Variants in RNF213 observed in about 807,000 individuals in gnomAD.
RNF213 encodes the protein E3 ubiquitin-protein ligase RNF213.
A neutral mutation model predicts 514.4 loss-of-function variants in RNF213; 341 were observed. The ratio of observed to expected loss-of-function variants is 0.66; its 90% CI spans 0.61 to 0.73. RNF213 has a LOEUF of 0.73. RNF213 is among the 30% of genes least tolerant of loss of function. The pLI, the probability that RNF213 is intolerant of heterozygous loss-of-function variation, is 0.00. For synonymous variants in RNF213, 2,655 were observed against 2,658.2 expected, an observed-to-expected ratio of 1.00 and a Z score of 0.04; for missense variants, 5,767 against 6,615.6, an observed-to-expected ratio of 0.87 and a Z score of 4.45.
At chr17:80,388,729 G>A in intron 64 of RNF213, 40 bp downstream of exon 64, 2 of 1,442,326 alleles carry the variant, frequency 1.4e-6, no homozygotes, top group Non-Finnish European at 2.0e-6. Context: ...GGGGCTTTCT[G>A]CCTTCTCAGT....
chr17:80,391,760 CTTTTTTTT>C (rs779136667), intron 67 of RNF213, among the ~76,000 whole-genome samples: 1,129 of 88,372 alleles, frequency 0.013, 4 homozygotes, highest in Middle Eastern at 0.032. Flanking sequence ...ATAAACTAGC[CTTTTTTTT>C]TTTTTTTTTT....
At chr17:80,307,293 G>C in intron 13 of RNF213, 92 bp downstream of exon 13, 1 of 961,450 alleles carries the variant, frequency 1.0e-6, no homozygotes, top group Non-Finnish European at 1.7e-6. Context: ...CACATGTGCT[G>C]TTGTAACAGC....
At chr17:80,390,255 G>C in intron 67 of RNF213, 59 bp downstream of exon 67, 1 of 1,540,896 alleles carries the variant, frequency 6.5e-7, no homozygotes, top group Non-Finnish European at 9.0e-7. Context: ...TCTCTCCTGT[G>C]ATCTTCTATA....
At position 80,354,447 on chromosome 17, in the gene RNF213, T is replaced by C; in HGVS notation, c.10733T>C (p.Phe3578Ser). 1 of 1,614,218 alleles carries C rather than the reference T, an allele frequency of 6.2e-7. No homozygotes were observed. The highest frequency in any genetic ancestry group is 8.5e-7 in the Non-Finnish European group (1 of 1,180,044). Residue 3578 changes from phenylalanine to serine, a missense_variant, in exon 36 of 68, where the codon TTC (phenylalanine) becomes TCC (serine). By Grantham distance (155) the Phe-to-Ser change is radical (BLOSUM62 -2). Transcript: ENST00000582970. Reference protein sequence around the residue: ...LNEDDACHASFLRVSKMRLSV... With the variant: ...LNEDDACHASSLRVSKMRLSV... ...TGTTTCTGCCTTTGTACAGCCTCTT[T>C]CTTGCGGGTATCCAAGATGCGCCTC...
intron 67 of RNF213, among the ~76,000 whole-genome samples, chr17:80,393,037 G>A (rs1275598203): frequency 1.3e-5 from 2 of 152,052 alleles, no homozygotes; most frequent in African/African-American, 4.8e-5. Flanking sequence ...GAGTGCAGTT[G>A]TGCAATCTCA....
chr17:80,372,416 T>G (rs1486448660), intron 47 of RNF213, 105 bp from the exon 48 acceptor site: 7 of 810,068 alleles, frequency 8.6e-6, no homozygotes, highest in Non-Finnish European at 1.2e-5. Context: ...ACAGTAACAT[T>G]CTTCTATCCT....
chr17:80,356,689 C>G (rs1258364818), intron 36 of RNF213, among the ~76,000 whole-genome samples: 1 of 152,396 alleles, frequency 6.6e-6, no homozygotes, highest in African/African-American at 2.4e-5. Context: ...GCTCCCGCCT[C>G]TCCCAGCGCT....
chr17:80,280,274 G>A (rs990325149), intron 3 of RNF213, among the ~76,000 whole-genome samples: 3 of 152,174 alleles, frequency 2.0e-5, no homozygotes, highest in African/African-American at 7.2e-5. Flanking sequence ...TAGGCCATGC[G>A]AGGAGAAGAA....
Position 80,317,066 on chromosome 17 carries a change from C to G in RNF213, c.2812-122C>G. On this transcript the variant is annotated intron_variant, in intron 15 of 67. Transcript: ENST00000582970. The surrounding 1 kb of genome is among the most constrained non-coding windows in gnomAD (Gnocchi z 4.1). ...CTGTTGATGAAGGTTGGGGAGAGCC[C>G]TGGTGTTCGCGGAGTCCCGCGCTCT... The G allele has an allele frequency of 9.5e-7, 1 of 1,052,250 alleles. No homozygotes were observed. Among genetic ancestry groups the G allele is most frequent in the Non-Finnish European group, 1.4e-6 (1 of 694,052 alleles). 65.2% of individuals were successfully genotyped at this position (1,052,250 alleles called of 1,614,324 possible).
At chr17:80,268,433 T>C (rs1288960532) in intron 2 of RNF213, among the ~76,000 whole-genome samples, 16 of 144,240 alleles carry the variant, frequency 1.1e-4, no homozygotes, top group African/African-American at 4.1e-4. Flanking sequence ...CACCAAGCAC[T>C]CCAAAGATGC....
At position 80,288,691 on chromosome 17, in the gene RNF213, A is replaced by C. The variant is rs2044566108; in HGVS notation, c.869A>C (p.Lys290Thr). 6.2e-7 allele frequency: 1 copy of C among 1,614,082 alleles called. No individual in the cohort carries two copies. Among genetic ancestry groups the C allele is most frequent in the South Asian group, 1.1e-5 (1 of 91,094 alleles). The change falls in exon 5 of 68, where the codon AAA (lysine) becomes ACA (threonine). Residue 290 changes from lysine to threonine, a missense_variant. By Grantham distance (78) the Lys-to-Thr change is moderately conservative. Transcript: ENST00000582970. The surrounding 1 kb of genome is among the most constrained non-coding windows in gnomAD (Gnocchi z 4.9). ...GTTAAAGGGGCCGGGAAGGAAATGAAAGAGAAGACCCAGAGAATGAAACAG... is the reference window on the plus strand; with the variant it reads ...GTTAAAGGGGCCGGGAAGGAAATGACAGAGAAGACCCAGAGAATGAAACAG... ...NAVKGAGKEM[K>T]EKTQRMKQPP... is the part of the protein sequence containing the mutation.
chr17:80,311,685 G>C (rs540011892), intron 14 of RNF213, among the ~76,000 whole-genome samples: 31 of 152,082 alleles, frequency 2.0e-4, no homozygotes, highest in Admixed American at 1.2e-3. Context: ...TCCCACTCTC[G>C]GGCAGCCCCG....
intron 59 of RNF213, among the ~76,000 whole-genome samples, chr17:80,384,670 G>A (rs1263080417): frequency 6.6e-6 from 1 of 152,142 alleles, no homozygotes; most frequent in Non-Finnish European, 1.5e-5. Context: ...AGGACACCCA[G>A]GAATAAGGCC....
intron 65 of RNF213, 25 bp downstream of exon 65, chr17:80,389,392 T>A (rs146144944): frequency 6.9e-5 from 111 of 1,605,440 alleles, no homozygotes; most frequent in Non-Finnish European, 8.9e-5. Flanking sequence ...GAAAAGGAAA[T>A]CAGCACAGCC....
rs1322098366 is a variant in RNF213 at position 80,295,822 on chromosome 17, AT to A, written c.2012+15del. On this transcript the variant is annotated intron_variant, in intron 10 of 67. Transcript: ENST00000582970. Reference sequence around the variant, plus strand: ...CTTGGGATACCTCAGAGGTATTATTATTTTTTGTCAAAATGTTTTTTATAGC... The same window carrying A: ...CTTGGGATACCTCAGAGGTATTATTATTTTTGTCAAAATGTTTTTTATAGC... 4 of 1,613,978 alleles carry A rather than the reference AT, an allele frequency of 2.5e-6. No homozygotes were observed. The highest frequency in any genetic ancestry group is 3.4e-6 in the Non-Finnish European group (4 of 1,179,938).
At chr17:80,299,957 C>G (rs2143478500) in intron 11 of RNF213, among the ~76,000 whole-genome samples, 1 of 152,252 alleles carries the variant, frequency 6.6e-6, no homozygotes, top group South Asian at 2.1e-4. Context: ...TTTATCCAGT[C>G]TACTGTTGAT....
In RNF213 at chr17:80,389,347, C is replaced by A. The variant is rs973181017; in HGVS notation, c.15175C>A (p.Gln5059Lys). The A allele has an allele frequency of 1.9e-6, 3 of 1,614,146 alleles. No homozygotes were observed. The change falls in exon 65 of 68, where the codon CAG becomes AAG. Residue 5059 changes from glutamine (Q) to lysine (K), a missense_variant. Transcript: ENST00000582970. ...YTQDILQMGD[Q>K]TIHVLKALNR... ...TCAAGACATCCTGCAAATGGGTGATCAGACGATTCACGTGTTAAAGGTGGG... is the reference window on the plus strand; with the variant it reads ...TCAAGACATCCTGCAAATGGGTGATAAGACGATTCACGTGTTAAAGGTGGG...
At chr17:80,378,982 C>T (rs957975138) in intron 54 of RNF213, among the ~76,000 whole-genome samples, 4 of 152,058 alleles carry the variant, frequency 2.6e-5, no homozygotes, top group Non-Finnish European at 5.9e-5. Context: ...GAGACTGGCC[C>T]GGGCAACATG....
At chr17:80,290,412 T>C (rs542304501) in intron 6 of RNF213, among the ~76,000 whole-genome samples, 158 bp from the exon 7 acceptor site, 16 of 134,138 alleles carry the variant, frequency 1.2e-4, no homozygotes, top group South Asian at 2.3e-4. Context: ...CTTGTGTGTG[T>C]GCGTGTGTGC....
Sources: allele counts gnomAD v4.1 joint callset (sites outside exome capture counted in the v4.1 genomes callset), GRCh38; gene constraint gnomAD v4.1.1; non-coding constraint Gnocchi (gnomAD v3.1); transcripts MANE v1.5; gene names NCBI Gene and HGNC (gene_info 2026-07-23, HGNC 2026-07-21).